Variants in CCDC12 observed in about 807,000 individuals in gnomAD.
CCDC12 encodes the protein coiled-coil domain containing 12, also known as coiled-coil domain-containing protein 12.
In CCDC12, 28 loss-of-function variants were observed where a neutral mutation model predicts 25.7. The ratio of observed to expected loss-of-function variants is 1.09; its 90% CI spans 0.81 to 1.50. The LOEUF is 1.50. Ranked by LOEUF, CCDC12 falls within the 40% of genes most tolerant of loss-of-function variation. The pLI is 0.00. For missense variants in CCDC12, 198 were observed against 210.0 expected (o/e 0.94, Z 0.35); for synonymous variants, 75 against 87.7 (o/e 0.86, Z 0.81).
chr3:46,965,799 A>G (rs1441367973), intron 1 of CCDC12, among the ~76,000 whole-genome samples: 1 of 152,206 alleles, frequency 6.6e-6, no homozygotes, highest in Non-Finnish European at 1.5e-5. Context: ...GTGGTGTCTC[A>G]GGTACAAGTT....
At chr3:46,964,545 T>C (rs1429635875) in intron 1 of CCDC12, among the ~76,000 whole-genome samples, 3 of 152,228 alleles carry the variant, frequency 2.0e-5, no homozygotes, top group African/African-American at 4.8e-5. Flanking sequence ...AGAAATCGGA[T>C]GGTTGCTGTG....
chr3:46,976,904 C>T (rs1273676935), upstream of CCDC12: 38 of 1,100,712 alleles, frequency 3.5e-5, no homozygotes, highest in Non-Finnish European at 3.9e-5. Flanking sequence ...CCCCGCCCCG[C>T]CCCGCCCCGC....
intron 2 of CCDC12, among the ~76,000 whole-genome samples, chr3:46,927,954 G>C (rs1169717282): frequency 6.6e-6 from 1 of 152,194 alleles, no homozygotes; most frequent in South Asian, 2.1e-4. Context: ...AGGAGCATGG[G>C]GGGGTTCAGC....
At chr3:46,931,271 T>C (rs1202170346) in intron 2 of CCDC12, among the ~76,000 whole-genome samples, 1 of 152,188 alleles carries the variant, frequency 6.6e-6, no homozygotes, top group African/African-American at 2.4e-5. Context: ...GCCCGGGACA[T>C]GGGCTGGCCA....
At chr3:46,958,449 T>A (rs2034366236) in intron 1 of CCDC12, among the ~76,000 whole-genome samples, 1 of 152,226 alleles carries the variant, frequency 6.6e-6, no homozygotes, top group South Asian at 2.1e-4. Flanking sequence ...TAATTTTGAA[T>A]TGGTCTGGTG....
Position 46,965,798 on chromosome 3 carries a change from C to T in CCDC12, c.96+10839G>A, listed in dbSNP as rs114775639. ...TTACTTCTCCACATCTGTGGTGTCTCAGGTACAAGTTAAAGGGGCCCTCAA... is the reference window on the plus strand; with the variant it reads ...TTACTTCTCCACATCTGTGGTGTCTTAGGTACAAGTTAAAGGGGCCCTCAA... On this transcript the variant is annotated intron_variant, in intron 1 of 6. Transcript: ENST00000683445. 5.3e-3 allele frequency among the ~76,000 whole-genome samples: 803 copies of T among 152,324 alleles called. 6 individuals are homozygous for T. The highest frequency in any genetic ancestry group is 0.018 in the African/African-American group (759 of 41,568).
At chr3:46,973,948 A>C (rs546090219) in intron 1 of CCDC12, among the ~76,000 whole-genome samples, 11 of 152,322 alleles carry the variant, frequency 7.2e-5, no homozygotes, top group Non-Finnish European at 1.0e-4. Context: ...TATTCACAAC[A>C]GGCAAAACGT....
chr3:46,961,114 C>G (rs2034449979), intron 1 of CCDC12, among the ~76,000 whole-genome samples: 1 of 151,546 alleles, frequency 6.6e-6, no homozygotes, highest in Non-Finnish European at 1.5e-5. Context: ...GTGGGATGCA[C>G]TGTAGGCAGG....
chr3:46,947,480 T>G (rs1484468727), intron 1 of CCDC12, among the ~76,000 whole-genome samples: 1 of 151,732 alleles, frequency 6.6e-6, no homozygotes. Context: ...GAAGATGGAG[T>G]GATAAGAAGT....
chr3:46,922,032 G>C lies in CCDC12; in HGVS notation c.*25C>G. ...CATCCTCTGCAGGACAGGCCTGATG[G>C]GCGAGTGGTGGGGCAGGGCATGCCT... is the stretch of plus-strand genomic sequence containing the variant. On this transcript the variant is annotated 3_prime_UTR_variant, in exon 7 of 7. Coordinates refer to ENST00000683445, the MANE Select transcript of CCDC12 (RefSeq NM_001277074.2). The C allele has an allele frequency of 1.2e-6, 2 of 1,612,446 alleles. No individual in the cohort carries two copies. The highest frequency in any genetic ancestry group is 1.1e-5 in the South Asian group (1 of 90,988).
chr3:46,935,181 A>G (rs2033394319), intron 2 of CCDC12, among the ~76,000 whole-genome samples: 1 of 152,254 alleles, frequency 6.6e-6, no homozygotes, highest in Non-Finnish European at 1.5e-5. Context: ...TGTGACACCC[A>G]GCACCGGTCA....
intron 2 of CCDC12, among the ~76,000 whole-genome samples, chr3:46,930,245 C>G (rs2033153794): frequency 6.6e-6 from 1 of 152,066 alleles, no homozygotes; most frequent in South Asian, 2.1e-4. Context: ...TCTTCCTACA[C>G]AGAAACAACC....
At chr3:46,971,184 G>A (rs1229112551) in intron 1 of CCDC12, among the ~76,000 whole-genome samples, 1 of 152,096 alleles carries the variant, frequency 6.6e-6, no homozygotes, top group Non-Finnish European at 1.5e-5. Flanking sequence ...CCCATCCTCC[G>A]TGGCTCAGCT....
At chr3:46,974,290 T>C (rs1466949666) in intron 1 of CCDC12, among the ~76,000 whole-genome samples, 2 of 152,188 alleles carry the variant, frequency 1.3e-5, no homozygotes, top group Non-Finnish European at 2.9e-5. Flanking sequence ...AAATAGTAAA[T>C]TGTATGTGTA....
intron 1 of CCDC12, among the ~76,000 whole-genome samples, chr3:46,941,879 G>GT: frequency 6.6e-6 from 1 of 152,344 alleles, no homozygotes; most frequent in African/African-American, 2.4e-5. Flanking sequence ...CGCTTTAGAA[G>GT]TAACATGAAC....
upstream of CCDC12, among the ~76,000 whole-genome samples, chr3:46,979,037 C>T (rs762573372): frequency 6.6e-6 from 1 of 152,144 alleles, no homozygotes; most frequent in Admixed American, 6.5e-5. Context: ...GTTAAAGAAA[C>T]AACATATGTG....
intron 2 of CCDC12, among the ~76,000 whole-genome samples, chr3:46,928,905 T>C (rs1386336775): frequency 6.6e-6 from 1 of 151,998 alleles, no homozygotes; most frequent in African/African-American, 2.4e-5. Context: ...GGCAAGAGGA[T>C]TGCTTGAGCC....
intron 2 of CCDC12, among the ~76,000 whole-genome samples, chr3:46,933,520 G>T (rs188719218): frequency 6.6e-6 from 1 of 152,206 alleles, no homozygotes; most frequent in African/African-American, 2.4e-5. Context: ...GTTAAATGAG[G>T]CCCCTGCCCT....
At chr3:46,924,549 A>G (rs1382285725) in intron 3 of CCDC12, among the ~76,000 whole-genome samples, 1 of 152,238 alleles carries the variant, frequency 6.6e-6, no homozygotes, top group Non-Finnish European at 1.5e-5. Flanking sequence ...CAATTCAAAA[A>G]AAGTTGATAA....
Sources: gnomAD v4.1 joint callset for allele counts (sites outside exome capture counted in the v4.1 genomes callset) on GRCh38, gnomAD v4.1.1 for gene constraint, MANE v1.5 for transcripts, NCBI Gene and HGNC (gene_info 2026-07-23, HGNC 2026-07-21) for gene names.